Variants in CHMP4B observed in about 807,000 individuals in gnomAD.
CHMP4B encodes the protein charged multivesicular body protein 4B, also known as SNF7 homolog associated with Alix 1.
In CHMP4B, 1 loss-of-function variant was observed where a neutral mutation model predicts 25.1. The observed-to-expected ratio is 0.04, with a 90% CI of 0.01 to 0.19. CHMP4B has a LOEUF of 0.19. Among genes scored for constraint, CHMP4B ranks in the 10% least tolerant of loss-of-function variants. CHMP4B has a pLI of 1.00. For missense variants in CHMP4B, 151 were observed against 289.7 expected, an observed-to-expected ratio of 0.52 and a Z score of 3.48; for synonymous variants, 101 against 115.6, an observed-to-expected ratio of 0.87 and a Z score of 0.81.
intron 1 of CHMP4B, among the ~76,000 whole-genome samples, chr20:33,826,972 ATTC>A: frequency 6.6e-6 from 1 of 152,254 alleles, no homozygotes; most frequent in Admixed American, 6.5e-5. Context: ...AAAGCTAGTT[ATTC>A]TTTTTGGTTG....
At chr20:33,822,550 G>A (rs80097832) in intron 1 of CHMP4B, among the ~76,000 whole-genome samples, 1 of 152,296 alleles carries the variant, frequency 6.6e-6, no homozygotes, top group East Asian at 1.9e-4. Context: ...CAGATTGCTT[G>A]GCAAGTCTGG....
Position 33,848,519 on chromosome 20 carries a change from G to A in CHMP4B, c.243G>A (p.Gln81=). The A allele has an allele frequency of 6.2e-7, 1 of 1,614,232 alleles. No homozygotes were observed. Among genetic ancestry groups the A allele is most frequent in the Non-Finnish European group, 8.5e-7 (1 of 1,180,036 alleles). ...AGAGGTATGAGAAGCAGCTGGCGCA[G>A]ATCGACGGCACATTATCAACCATCG... ...RKKRYEKQLA[Q]IDGTLSTIEF... Residue 81 remains glutamine (Q), a synonymous_variant, in exon 2 of 5, where the codon CAG becomes CAA. Transcript: ENST00000217402.
chr20:33,815,079 T>C (rs760172920), intron 1 of CHMP4B, among the ~76,000 whole-genome samples: 7 of 152,228 alleles, frequency 4.6e-5, no homozygotes, highest in Non-Finnish European at 8.8e-5. Context: ...GGGGCAAGGA[T>C]AGTGCCTTTC....
chr20:33,824,384 G>A (rs1441015253), intron 1 of CHMP4B, among the ~76,000 whole-genome samples: 1 of 152,184 alleles, frequency 6.6e-6, no homozygotes, highest in East Asian at 1.9e-4. Context: ...CTTCAGCAAG[G>A]CTGTGTCAGT....
chr20:33,840,787 A>G (rs541173197), intron 1 of CHMP4B, among the ~76,000 whole-genome samples: 373 of 152,264 alleles, frequency 2.4e-3, no homozygotes, highest in Non-Finnish European at 4.5e-3. Context: ...AAGTAATACC[A>G]GTGACCAACA....
At position 33,845,498 on chromosome 20, in the gene CHMP4B, T is replaced by G. The variant is rs561375727; in HGVS notation, c.191-2969T>G. Among the ~76,000 whole-genome samples the G allele has an allele frequency of 3.3e-5, 5 of 152,234 alleles. No homozygotes were observed. The East Asian group carries it at 9.7e-4, about 29-fold the overall frequency. ...CCACCATGTCCGGCTAATTTTTGTA[T>G]TTTTAGTAGAGATGGGGTTTCACCA... On this transcript the variant is annotated intron_variant, in intron 1 of 4. Transcript: ENST00000217402.
At chr20:33,848,037 A>G (rs553909627) in intron 1 of CHMP4B, among the ~76,000 whole-genome samples, 4 of 151,908 alleles carry the variant, frequency 2.6e-5, no homozygotes, top group East Asian at 3.9e-4. Flanking sequence ...GCTTTTTTTG[A>G]GAGGCATACA....
intron 4 of CHMP4B, 51 bp downstream of exon 4, chr20:33,852,254 C>T (rs114313736): frequency 6.2e-7 from 1 of 1,611,398 alleles, no homozygotes; most frequent in Non-Finnish European, 8.5e-7. Flanking sequence ...GGCAGGTGAT[C>T]TTGTGGTCGG....
chr20:33,818,881 A>G (rs1039141537), intron 1 of CHMP4B, among the ~76,000 whole-genome samples: 1 of 150,776 alleles, frequency 6.6e-6, no homozygotes, highest in African/African-American at 2.4e-5. Flanking sequence ...TCTCCTTTGG[A>G]TGTGCTCCTG....
chr20:33,811,681 G>C, intron 1 of CHMP4B, 23 bp downstream of exon 1: 1 of 1,609,284 alleles, frequency 6.2e-7, no homozygotes, highest in Non-Finnish European at 8.5e-7. Context: ...GGCCCCTTCA[G>C]ACTTGCCACG....
At chr20:33,825,809 C>G (rs1210451072) in intron 1 of CHMP4B, among the ~76,000 whole-genome samples, 1 of 152,248 alleles carries the variant, frequency 6.6e-6, no homozygotes, top group East Asian at 1.9e-4. Flanking sequence ...TGACAAGAAC[C>G]ATTGTTCTTA....
intron 1 of CHMP4B, among the ~76,000 whole-genome samples, chr20:33,819,154 C>T (rs1224373691): frequency 6.6e-6 from 1 of 152,120 alleles, no homozygotes; most frequent in Admixed American, 6.5e-5. Context: ...TCAAGTAATT[C>T]GCCTGCCTTG....
At chr20:33,812,516 CG>C (rs2122777348) in intron 1 of CHMP4B, among the ~76,000 whole-genome samples, 1 of 152,314 alleles carries the variant, frequency 6.6e-6, no homozygotes, top group African/African-American at 2.4e-5. Context: ...TTCCTGTTGT[CG>C]TATGGCTTTC....
At chr20:33,832,928 A>G (rs554251904) in intron 1 of CHMP4B, among the ~76,000 whole-genome samples, 1 of 151,272 alleles carries the variant, frequency 6.6e-6, no homozygotes, top group Admixed American at 6.6e-5. Flanking sequence ...ACAGGTGTGC[A>G]CCACCATGCC....
chr20:33,814,013 G>A (rs1978714347), intron 1 of CHMP4B, among the ~76,000 whole-genome samples: 1 of 152,188 alleles, frequency 6.6e-6, no homozygotes, highest in African/African-American at 2.4e-5. Flanking sequence ...TTATGGGCAT[G>A]AGCCATCGCA....
chr20:33,830,254 T>C (rs1979202524), intron 1 of CHMP4B, among the ~76,000 whole-genome samples: 2 of 152,168 alleles, frequency 1.3e-5, no homozygotes, highest in South Asian at 2.1e-4. Context: ...GGAGAGACAC[T>C]GAGGCTGTTG....
At chr20:33,812,107 T>A (rs6142027) in intron 1 of CHMP4B, among the ~76,000 whole-genome samples, 4 of 152,066 alleles carry the variant, frequency 2.6e-5, no homozygotes, top group African/African-American at 7.2e-5. Context: ...GAGCTGCCCC[T>A]TGGCCTCTCC....
At chr20:33,831,014 C>T (rs1169427581) in intron 1 of CHMP4B, among the ~76,000 whole-genome samples, 4 of 140,876 alleles carry the variant, frequency 2.8e-5, no homozygotes, top group Non-Finnish European at 6.0e-5. Context: ...GAAAATGGCT[C>T]ATTGCAGCCT....
chr20:33,821,231 A>G (rs1978930740), intron 1 of CHMP4B, among the ~76,000 whole-genome samples: 1 of 152,038 alleles, frequency 6.6e-6, no homozygotes, highest in Non-Finnish European at 1.5e-5. Context: ...TACTAAAAAT[A>G]CAAAAATTAG....
Sources: allele counts gnomAD v4.1 joint callset (sites outside exome capture counted in the v4.1 genomes callset), GRCh38; gene constraint gnomAD v4.1.1; transcripts MANE v1.5; gene names NCBI Gene and HGNC (gene_info 2026-07-23, HGNC 2026-07-21).